The following XPO6 variants were observed in gnomAD, a reference collection of about 807,000 sequenced individuals.
The protein encoded by XPO6 is exportin 6.
In XPO6, 3 loss-of-function variants were observed where a neutral mutation model predicts 130.0. The observed-to-expected ratio is 0.02, with a 90% CI of 0.01 to 0.06. The LOEUF (loss-of-function observed/expected upper bound fraction) is 0.06. Among genes scored for constraint, XPO6 ranks in the 10% least tolerant of loss-of-function variants. The probability of loss-of-function intolerance (pLI) is 1.00; values close to 1 mark genes in which losing one functional copy is unlikely to be tolerated. For synonymous variants in XPO6, 524 were observed against 548.9 expected (o/e 0.95, Z 0.63); for missense variants, 970 against 1,393.0 (o/e 0.70, Z 4.83).
intron 9 of XPO6, among the ~76,000 whole-genome samples, chr16:28,139,370 T>C (rs1343193709): frequency 6.6e-6 from 1 of 152,208 alleles, no homozygotes; most frequent in Non-Finnish European, 1.5e-5. Flanking sequence ...TAAATTTCTG[T>C]TGTTTAAGGC....
intron 23 of XPO6, among the ~76,000 whole-genome samples, chr16:28,100,058 G>A (rs928363313): frequency 2.6e-5 from 4 of 151,924 alleles, no homozygotes; most frequent in Admixed American, 6.6e-5. Flanking sequence ...CACAACCTCC[G>A]CTCACTGCAA....
Position 28,211,533 on chromosome 16 carries a change from G to A in XPO6, c.-165C>T, listed in dbSNP as rs922249054. ...CGAGGGGACCCTCTAAAAAGGGCAG[G>A]GCCGCCCGGGTCGCCTCATCGGGGG... On this transcript the variant is annotated 5_prime_UTR_variant, in exon 1 of 24. Coordinates refer to ENST00000304658, the MANE Select transcript of XPO6 (RefSeq NM_015171.4). The A allele has an allele frequency of 1.1e-5, 8 of 710,308 alleles. No individual in the cohort carries two copies. The highest frequency in any genetic ancestry group is 1.8e-5 in the African/African-American group (1 of 54,078). The allele number at this position is 710,308 out of a possible 1,614,324, so 44.0% of individuals were successfully genotyped here. A position where few individuals can be genotyped will look rare whatever the true frequency, so the allele number is the denominator to read the frequency against.
At chr16:28,189,374 G>A (rs1462157816) in intron 1 of XPO6, among the ~76,000 whole-genome samples, 1 of 151,894 alleles carries the variant, frequency 6.6e-6, no homozygotes, top group East Asian at 1.9e-4. Context: ...CAGTCAGCAG[G>A]GCAATCAGGG....
chr16:28,169,742 C>G lies in XPO6; in HGVS notation c.565+8G>C, dbSNP rs990916669. ...GCCTCTATCTCTGGGCACTACCATA[C>G]TGCTCACCTGTCAGTAGCCCAAGCA... is the stretch of plus-strand genomic sequence containing the variant. On this transcript the variant is annotated splice_region_variant and intron_variant, in intron 5 of 23. Transcript: ENST00000304658. 1.9e-6 allele frequency: 3 copies of G among 1,613,346 alleles called. No individual in the cohort carries two copies. Among genetic ancestry groups the G allele is most frequent in the Non-Finnish European group, 2.5e-6 (3 of 1,179,702 alleles).
At chr16:28,170,693 A>G (rs2043435298) in intron 4 of XPO6, among the ~76,000 whole-genome samples, 1 of 152,274 alleles carries the variant, frequency 6.6e-6, no homozygotes, top group Admixed American at 6.5e-5. Context: ...ATGATTAAAT[A>G]TAGCAGAGCA....
At position 28,129,924 on chromosome 16, in the gene XPO6, G is replaced by A. The variant is rs951005068; in HGVS notation, c.1606+2410C>T. Among the ~76,000 whole-genome samples, 48 of 152,294 alleles carry A rather than the reference G, an allele frequency of 3.2e-4. No individual in the cohort carries two copies. In the Middle Eastern group the frequency reaches 0.01, roughly 32 times the overall value. ...GAATGGAGGCTTTGGGGTCACATAC[G>A]GATGTCAATGCTGTGCAAGGGGAAC... On this transcript the variant is annotated intron_variant, in intron 12 of 23. Transcript: ENST00000304658.
chr16:28,113,263 C>T (rs1379540507), intron 15 of XPO6, among the ~76,000 whole-genome samples: 1 of 152,196 alleles, frequency 6.6e-6, no homozygotes, highest in Non-Finnish European at 1.5e-5. Context: ...TTATCACCTC[C>T]TCCCGTTCCT....
rs774752432 is a variant in XPO6, at chr16:28,106,012, G to T, written c.2784+31C>A. The T allele has an allele frequency of 1.3e-5, 21 of 1,599,066 alleles. No individual in the cohort carries two copies. The highest frequency in any genetic ancestry group is 1.6e-5 in the Non-Finnish European group (19 of 1,168,238). On this transcript the variant is annotated intron_variant, in intron 20 of 23. Coordinates refer to ENST00000304658, the MANE Select transcript of XPO6 (RefSeq NM_015171.4). The surrounding 1 kb of genome is among the most constrained non-coding windows in gnomAD (Gnocchi z 4.2). ...TCCCTTCCCAATCTGGAGATGGGGG[G>T]TGCTGCACAGGGGACCGTCTGAGCC...
Position 28,169,773 on chromosome 16 carries a change from T to C in XPO6, c.542A>G (p.Gln181Arg). The C allele has an allele frequency of 1.2e-6, 2 of 1,614,074 alleles. No homozygotes were observed. The highest frequency in any genetic ancestry group is 1.7e-6 in the Non-Finnish European group (2 of 1,179,978). ...ELRKLLLDQVQTVLGLLTGIL... is the reference protein window; with the variant it reads ...ELRKLLLDQVRTVLGLLTGIL... Reference sequence around the variant, plus strand: ...ACCTGTCAGTAGCCCAAGCACTGTCTGCACCTGGTCCAGTAGCAGCTTCCG... The same window carrying C: ...ACCTGTCAGTAGCCCAAGCACTGTCCGCACCTGGTCCAGTAGCAGCTTCCG... The change falls in exon 5 of 24, where the codon CAG becomes CGG. Residue 181 changes from glutamine (Q) to arginine (R), a missense_variant. Around this residue, in one of 4 missense-constraint regions of XPO6, gnomAD observed 936 missense variants for 1,306.8 expected, o/e 0.72. Coordinates refer to ENST00000304658, the MANE Select transcript of XPO6 (RefSeq NM_015171.4).
chr16:28,182,477 C>CTG, intron 1 of XPO6, among the ~76,000 whole-genome samples: 1 of 152,158 alleles, frequency 6.6e-6, no homozygotes, highest in South Asian at 2.1e-4. Flanking sequence ...GCAATGACAC[C>CTG]TGAACTGCGA....
Position 28,107,792 on chromosome 16 carries a change from G to A in XPO6, c.2342-115C>T, listed in dbSNP as rs374555387. On this transcript the variant is annotated intron_variant, in intron 17 of 23. Coordinates refer to ENST00000304658, the MANE Select transcript of XPO6 (RefSeq NM_015171.4). ...AGGTACCAAGAAGATGATCACACGA[G>A]TCTCACTAAAGGAACAGTCTCTTGA... is the stretch of plus-strand genomic sequence containing the variant. The A allele has an allele frequency of 7.6e-5, 88 of 1,156,372 alleles. 2 individuals are homozygous for A. In the Middle Eastern group the frequency reaches 1.2e-3, roughly 16 times the overall value. 71.6% of individuals were successfully genotyped at this position (1,156,372 alleles called of 1,614,324 possible).
Position 28,106,350 on chromosome 16 carries a change from T to A in XPO6, c.2612+33A>T. The A allele has an allele frequency of 2.5e-6, 4 of 1,610,748 alleles. No homozygotes were observed. The highest frequency in any genetic ancestry group is 3.4e-6 in the Non-Finnish European group (4 of 1,176,946). ...CCAGACCCACCACTTCTCCCTTGAA[T>A]CTGAAAACTATAGATGGTGGGTCTG... On this transcript the variant is annotated intron_variant, in intron 19 of 23. Coordinates refer to ENST00000304658, the MANE Select transcript of XPO6 (RefSeq NM_015171.4). The surrounding 1 kb of genome is among the most constrained non-coding windows in gnomAD (Gnocchi z 4.2).
At position 28,136,384 on chromosome 16, in the gene XPO6, T is replaced by C. The variant is rs191841296; in HGVS notation, c.1335-1060A>G. 6.0e-4 allele frequency among the ~76,000 whole-genome samples: 91 copies of C among 152,262 alleles called. 1 individual carries two copies. The East Asian group carries it at 0.01, about 17-fold the overall frequency. Reference sequence around the variant, plus strand: ...ACAGGCATGACCCACTAGGTCTGGCTAATTTTTGTATTTTTAGTAGAGACA... The same window carrying C: ...ACAGGCATGACCCACTAGGTCTGGCCAATTTTTGTATTTTTAGTAGAGACA... On this transcript the variant is annotated intron_variant, in intron 9 of 23. Coordinates refer to ENST00000304658, the MANE Select transcript of XPO6 (RefSeq NM_015171.4).
At chr16:28,153,457 G>C in intron 7 of XPO6, 1 of 984,972 alleles carries the variant, frequency 1.0e-6, no homozygotes, top group Non-Finnish European at 1.2e-6. Flanking sequence ...GCCAACTCAT[G>C]GCAGAACAGG....
At chr16:28,130,397 T>C (rs1239739379) in intron 12 of XPO6, among the ~76,000 whole-genome samples, 1 of 152,216 alleles carries the variant, frequency 6.6e-6, no homozygotes, top group African/African-American at 2.4e-5. Context: ...CAGTTTCTGC[T>C]GAGGGTCATG....
intron 1 of XPO6, among the ~76,000 whole-genome samples, chr16:28,202,333 T>C (rs1165171409): frequency 6.6e-6 from 1 of 152,172 alleles, no homozygotes; most frequent in East Asian, 1.9e-4. Flanking sequence ...AACCCTCTGC[T>C]CTGAATGACT....
chr16:28,167,609 C>T (rs1428853379), intron 5 of XPO6, among the ~76,000 whole-genome samples: 1 of 152,186 alleles, frequency 6.6e-6, no homozygotes, highest in East Asian at 1.9e-4. Context: ...CTCTATTTAG[C>T]TCTTAAAACA....
intron 8 of XPO6, among the ~76,000 whole-genome samples, chr16:28,147,311 C>T (rs2043001628): frequency 6.6e-6 from 1 of 152,020 alleles, no homozygotes; most frequent in Non-Finnish European, 1.5e-5. Context: ...GCCTGTAATT[C>T]CAGCATTATG....
intron 7 of XPO6, 193 bp from the exon 8 acceptor site, chr16:28,152,978 G>C (rs2043121258): frequency 1.6e-6 from 2 of 1,255,014 alleles, no homozygotes; most frequent in South Asian, 2.0e-5. Flanking sequence ...AAACATAGCA[G>C]AAAAGCAACT....
Sources: gnomAD v4.1 joint callset for allele counts (sites outside exome capture counted in the v4.1 genomes callset) on GRCh38, gnomAD v4.1.1 for gene constraint, gnomAD v4.1.1 regional missense constraint, Gnocchi (gnomAD v3.1) non-coding constraint, MANE v1.5 for transcripts, NCBI Gene and HGNC (gene_info 2026-07-23, HGNC 2026-07-21) for gene names.